Variants in LRIF1 observed in about 807,000 individuals in gnomAD.
LRIF1 encodes ligand-dependent nuclear receptor-interacting factor 1.
In LRIF1, 32 loss-of-function variants were observed where a neutral mutation model predicts 52.7. The ratio of observed to expected loss-of-function variants is 0.61; its 90% CI spans 0.46 to 0.82. LRIF1 has a LOEUF of 0.82. LRIF1 is among the 40% of genes least tolerant of loss of function. The pLI, the probability that LRIF1 is intolerant of heterozygous loss-of-function variation, is 0.00. For synonymous variants in LRIF1, 323 were observed against 317.4 expected, an observed-to-expected ratio of 1.02 and a Z score of -0.19; for missense variants, 887 against 892.0, an observed-to-expected ratio of 0.99 and a Z score of 0.07.
At chr1:110,928,890 T>C in the LRIF1 span, among the ~76,000 whole-genome samples, 3 of 152,182 alleles carry the variant, frequency 2.0e-5, no homozygotes, top group South Asian at 6.2e-4. Context: ...TGTGTAGAAT[T>C]TGCCATCTAC....
At chr1:110,948,538 C>T in intron 3 of LRIF1, 139 bp from the exon 4 acceptor site, 4 of 1,294,838 alleles carry the variant, frequency 3.1e-6, no homozygotes, top group Non-Finnish European at 4.1e-6. Flanking sequence ...ACAACTACAG[C>T]AAGAGGGAAA....
chr1:110,953,683 T>G (rs1475646358), intron 1 of LRIF1, among the ~76,000 whole-genome samples: 2 of 152,230 alleles, frequency 1.3e-5, no homozygotes, highest in Non-Finnish European at 2.9e-5. Context: ...ATTACTTGAA[T>G]GTAAATACCT....
At chr1:110,924,591 A>C in the LRIF1 span, among the ~76,000 whole-genome samples, 1 of 152,236 alleles carries the variant, frequency 6.6e-6, no homozygotes, top group African/African-American at 2.4e-5. Context: ...CATGAGAACA[A>C]CATGGAGGAA....
downstream of LRIF1, among the ~76,000 whole-genome samples, chr1:110,945,993 A>C (rs767294972): frequency 6.6e-6 from 1 of 152,230 alleles, no homozygotes; most frequent in African/African-American, 2.4e-5. Context: ...TTACAGTCCT[A>C]GGTATATACC....
intron 1 of LRIF1, among the ~76,000 whole-genome samples, chr1:110,962,669 C>T (rs1358216149): frequency 6.6e-6 from 1 of 152,176 alleles, no homozygotes; most frequent in Non-Finnish European, 1.5e-5. Context: ...TATTTACAGA[C>T]TGGAAACAGG....
the LRIF1 span, among the ~76,000 whole-genome samples, chr1:110,923,732 A>G: frequency 6.6e-6 from 1 of 152,218 alleles, no homozygotes. Context: ...TAGGAGATGC[A>G]GTTAAACAGG....
At chr1:110,885,281 T>G in the LRIF1 span, among the ~76,000 whole-genome samples, 1 of 152,238 alleles carries the variant, frequency 6.6e-6, no homozygotes. Flanking sequence ...GCAGGCGCGG[T>G]GGCTCACGCC....
the LRIF1 span, among the ~76,000 whole-genome samples, chr1:110,930,439 T>C: frequency 6.6e-6 from 1 of 152,164 alleles, no homozygotes; most frequent in Non-Finnish European, 1.5e-5. Context: ...AGGGCTCTTT[T>C]CCCCGCTTGC....
In LRIF1 at chr1:110,963,704, G is replaced by C. The variant is rs775228984; in HGVS notation, c.-16C>G. ...TATTTGACATTTTAGTGGGGAGAAA[G>C]GGGACACCTCATCCAGAAAAGTGGG... On this transcript the variant is annotated 5_prime_UTR_variant, in exon 1 of 4. Transcript: ENST00000369763. 6.3e-7 allele frequency: 1 copy of C among 1,592,076 alleles called. No homozygotes were observed. Among genetic ancestry groups the C allele is most frequent in the Non-Finnish European group, 8.6e-7 (1 of 1,162,976 alleles).
At chr1:110,951,163 G>A (rs980362218) in intron 2 of LRIF1, 125 bp downstream of exon 2, 3 of 761,616 alleles carry the variant, frequency 3.9e-6, no homozygotes, top group Non-Finnish European at 6.3e-6. Context: ...ACTCATATGT[G>A]TATAGTCTGT....
In LRIF1 at chr1:110,947,280, A is replaced by ACCC. The variant is rs1481888822; in HGVS notation, c.*678_*679insGGG. 60 of 149,034 alleles carry ACCC rather than the reference A, an allele frequency of 4.0e-4. No homozygotes were observed. The South Asian group carries it at 5.5e-3, about 14-fold the overall frequency. The allele number at this position is 149,034 out of a possible 1,614,324, so 9.2% of individuals were successfully genotyped here. On this transcript the variant is annotated 3_prime_UTR_variant, in exon 4 of 4. Transcript: ENST00000369763. ...TCAGTAACGTATGTACATAGTCCCA[A>ACCC]AAAAAAAAAAAGCAGCATTTGCCTG...
the LRIF1 span, chr1:110,897,991 T>A: frequency 1.7e-6 from 1 of 587,764 alleles, no homozygotes. Context: ...ACAATAAATG[T>A]TAGCTATTTT....
intron 3 of LRIF1, among the ~76,000 whole-genome samples, chr1:110,948,876 T>C (rs564239967): frequency 5.3e-5 from 8 of 152,302 alleles, no homozygotes; most frequent in African/African-American, 9.6e-5. Flanking sequence ...TTATTAGCTA[T>C]ATAAGTTGCT....
the LRIF1 span, among the ~76,000 whole-genome samples, chr1:110,875,385 G>A: frequency 4.5e-4 from 68 of 152,302 alleles, no homozygotes; most frequent in Non-Finnish European, 7.1e-4. Context: ...CAGAATTGAT[G>A]GGATGTGGGT....
the LRIF1 span, among the ~76,000 whole-genome samples, chr1:110,911,181 C>T: frequency 0.01 from 1,546 of 150,922 alleles, 32 homozygotes; most frequent in African/African-American, 0.036. Context: ...CCTCAACCCC[C>T]CAGGGAAAAA....
chr1:110,950,017 G>C lies in LRIF1; in HGVS notation c.1703C>G (p.Ala568Gly). The C allele has an allele frequency of 1.9e-6, 3 of 1,614,058 alleles. No individual in the cohort carries two copies. Among genetic ancestry groups the C allele is most frequent in the Non-Finnish European group, 2.5e-6 (3 of 1,180,006 alleles). ...AAGGCCAAATATCTTTTTAAATTCA[G>C]CATCACTCTTCAGATGTAATGCCTT... ...SNKALHLKSD[A>G]EFKKIFGLTK... Residue 568 changes from alanine to glycine, a missense_variant, in exon 3 of 4, where the codon GCT becomes GGT. Ala to Gly is a moderately conservative substitution (Grantham distance 60). Transcript: ENST00000369763.
chr1:110,896,226 G>A, the LRIF1 span, among the ~76,000 whole-genome samples: 1 of 152,214 alleles, frequency 6.6e-6, no homozygotes, highest in Non-Finnish European at 1.5e-5. Context: ...TAAGCCCCAT[G>A]AACTTAAAAG....
chr1:110,909,756 T>C, the LRIF1 span, among the ~76,000 whole-genome samples: 9 of 152,058 alleles, frequency 5.9e-5, no homozygotes, highest in South Asian at 6.2e-4. Flanking sequence ...AATTTTTGTA[T>C]TTTTAATAGT....
the LRIF1 span, among the ~76,000 whole-genome samples, chr1:110,904,434 C>T: frequency 2.6e-5 from 4 of 152,156 alleles, no homozygotes; most frequent in East Asian, 7.7e-4. Flanking sequence ...TGGCTCAGAA[C>T]AGAAAGAGAG....
Sources: allele counts gnomAD v4.1 joint callset (sites outside exome capture counted in the v4.1 genomes callset), GRCh38; gene constraint gnomAD v4.1.1; transcripts MANE v1.5; gene names NCBI Gene and HGNC (gene_info 2026-07-23, HGNC 2026-07-21).